Variants in PCOLCE observed in about 807,000 individuals in gnomAD.
PCOLCE encodes the protein procollagen C-endopeptidase enhancer, also known as procollagen C-endopeptidase enhancer 1.
Under a neutral mutation model 47.2 loss-of-function variants are expected in PCOLCE, and 33 were observed. That is an observed-to-expected ratio of 0.70 (90% CI 0.53 to 0.93). The LOEUF is 0.93. Ranked by LOEUF, PCOLCE falls within the 40% of genes least tolerant of loss-of-function variation. The pLI is 0.00. For synonymous variants in PCOLCE, 254 were observed against 252.5 expected, an observed-to-expected ratio of 1.01 and a Z score of -0.06; for missense variants, 584 against 585.3, an observed-to-expected ratio of 1.00 and a Z score of 0.02.
intron 8 of PCOLCE, 65 bp downstream of exon 8, chr7:100,607,872 G>C (rs1802744634): frequency 6.2e-7 from 1 of 1,610,554 alleles, no homozygotes; most frequent in African/African-American, 1.3e-5. Context: ...TCAAGGTGTG[G>C]AATCTTGAGA....
Position 100,605,420 on chromosome 7 carries a change from G to T in PCOLCE, c.588+205G>T. 1 of 666,024 alleles carries T rather than the reference G, an allele frequency of 1.5e-6. No homozygotes were observed. The highest frequency in any genetic ancestry group is 2.5e-6 in the Non-Finnish European group (1 of 395,956). The allele number at this position is 666,024 out of a possible 1,614,324, so 41.3% of individuals were successfully genotyped here. ...ACAAGTCTCAGGAGAGCGAGGTACA[G>T]GGTCCTGGTATAACACGCGGGCCTG... is the stretch of plus-strand genomic sequence containing the variant. On this transcript the variant is annotated intron_variant, in intron 4 of 8. Coordinates refer to ENST00000223061, the MANE Select transcript of PCOLCE (RefSeq NM_002593.4). This position sits in a 1 kb window ranked among gnomAD's most constrained non-coding sequence, Gnocchi z 6.1.
In PCOLCE at chr7:100,602,490, C is replaced by A. The variant is rs1383558682; in HGVS notation, c.34C>A (p.Pro12Thr). 1 of 1,612,722 alleles carries A rather than the reference C, an allele frequency of 6.2e-7. No homozygotes were observed. Among genetic ancestry groups the A allele is most frequent in the Non-Finnish European group, 8.5e-7 (1 of 1,179,768 alleles). ...TGCAGCCACAGCCTCCCTCCTGGGG[C>A]CCCTCCTCACTGCCTGCGCCCTGCT... The part of the protein sequence containing the change: ...LPAATASLLG[P>T]LLTACALLPF... The change falls in exon 1 of 9, where the codon CCC (proline) becomes ACC (threonine). Residue 12 changes from proline to threonine, a missense_variant. By Grantham distance (38) the Pro-to-Thr change is conservative. Coordinates refer to ENST00000223061, the MANE Select transcript of PCOLCE (RefSeq NM_002593.4).
At position 100,603,647 on chromosome 7, in the gene PCOLCE, G is replaced by A. The variant is rs1014964647; in HGVS notation, c.204+109G>A. 6.6e-6 allele frequency: 4 copies of A among 605,024 alleles called. No individual in the cohort carries two copies. The African/African-American group carries it at 7.8e-5, about 12-fold the overall frequency. 37.5% of individuals were successfully genotyped at this position (605,024 alleles called of 1,614,324 possible). A position where few individuals can be genotyped will look rare whatever the true frequency, so the allele number is the denominator to read the frequency against. On this transcript the variant is annotated intron_variant, in intron 2 of 8. Coordinates refer to ENST00000223061, the MANE Select transcript of PCOLCE (RefSeq NM_002593.4). ...CCCCCGCACCACCTTCTCAACCTGG[G>A]GCAGCTCCAAGTGTCTTCCCTCTGT...
Position 100,605,211 on chromosome 7 carries a change from A to G in PCOLCE, c.584A>G (p.Asp195Gly). 6.2e-7 allele frequency: 1 copy of G among 1,611,586 alleles called. No individual in the cohort carries two copies. The highest frequency in any genetic ancestry group is 8.5e-7 in the Non-Finnish European group (1 of 1,178,898). The part of the protein sequence containing the change: ...SCSWHIIAPP[D>G]QVIALTFEKF... ...TCCTGGCACATCATCGCGCCCCCGGACCAGGTACCGACCCTCCTCCCCGGG... is the reference window on the plus strand; with the variant it reads ...TCCTGGCACATCATCGCGCCCCCGGGCCAGGTACCGACCCTCCTCCCCGGG... The change falls in exon 4 of 9, where the codon GAC becomes GGC. Residue 195 changes from aspartate (D) to glycine (G), a missense_variant. By Grantham distance (94) the Asp-to-Gly change is moderately conservative (BLOSUM62 -1). Transcript: ENST00000223061. The surrounding 1 kb of genome is among the most constrained non-coding windows in gnomAD (Gnocchi z 6.1).
In PCOLCE at chr7:100,605,015, C is replaced by T. The variant is rs1802687081; in HGVS notation, c.464-76C>T. ...GACATCCGAGCTGCCTGCCGGGGCT[C>T]CCAGCCTAGAGTTCTCCTGAAGCTG... On this transcript the variant is annotated intron_variant, in intron 3 of 8. Transcript: ENST00000223061. The surrounding 1 kb of genome is among the most constrained non-coding windows in gnomAD (Gnocchi z 6.1). The T allele has an allele frequency of 3.6e-6, 4 of 1,109,394 alleles. No homozygotes were observed. The highest frequency in any genetic ancestry group is 5.3e-6 in the Non-Finnish European group (4 of 749,716). 68.7% of individuals were successfully genotyped at this position (1,109,394 alleles called of 1,614,324 possible).
intron 6 of PCOLCE, among the ~76,000 whole-genome samples, chr7:100,607,202 C>T (rs1229810511): frequency 2.6e-5 from 4 of 152,006 alleles, no homozygotes; most frequent in African/African-American, 7.3e-5. Context: ...ATGACTGTGC[C>T]GCTACACTCC....
intron 8 of PCOLCE, 48 bp downstream of exon 8, chr7:100,607,855 G>GAAAT (rs1374089908): frequency 6.2e-7 from 1 of 1,612,470 alleles, no homozygotes; most frequent in Non-Finnish European, 8.5e-7. Flanking sequence ...AAGCCACACA[G>GAAAT]AAATGATCAA....
chr7:100,602,539 C>T lies in PCOLCE; in HGVS notation c.83C>T (p.Pro28Leu), dbSNP rs752277482. Residue 28 changes from proline to leucine, a missense_variant, in exon 1 of 9, where the codon CCC becomes CTC. Physicochemically the swap from Pro to Leu is moderately conservative, Grantham distance 98. Coordinates refer to ENST00000223061, the MANE Select transcript of PCOLCE (RefSeq NM_002593.4). Reference sequence around the variant, plus strand: ...CTGCCTTTTGCCCAGGGCCAGACCCCCAACTACACCAGGTAGGTCTCTTGG... The same window carrying T: ...CTGCCTTTTGCCCAGGGCCAGACCCTCAACTACACCAGGTAGGTCTCTTGG... Reference protein sequence around the residue: ...ALLPFAQGQTPNYTRPVFLCG... With the variant: ...ALLPFAQGQTLNYTRPVFLCG... 3 of 1,603,626 alleles carry T rather than the reference C, an allele frequency of 1.9e-6. No individual in the cohort carries two copies. The highest frequency in any genetic ancestry group is 4.5e-5 in the East Asian group (2 of 44,840).
In PCOLCE at chr7:100,605,460, G is replaced by C; in HGVS notation, c.589-216G>C. ...ACGCGGGCCTGTCACTTGTGAGTGC[G>C]CCAGGACTTGACCTTGCCAACCACG... On this transcript the variant is annotated intron_variant, in intron 4 of 8. Transcript: ENST00000223061. This position sits in a 1 kb window ranked among gnomAD's most constrained non-coding sequence, Gnocchi z 6.1. The C allele has an allele frequency of 1.1e-5, 7 of 663,832 alleles. No individual in the cohort carries two copies. The highest frequency in any genetic ancestry group is 1.8e-5 in the Non-Finnish European group (7 of 394,794). The allele number at this position is 663,832 out of a possible 1,614,324, so 41.1% of individuals were successfully genotyped here. A position where few individuals can be genotyped will look rare whatever the true frequency, so the allele number is the denominator to read the frequency against.
chr7:100,607,038 C>G (rs1256582067), intron 6 of PCOLCE, among the ~76,000 whole-genome samples: 1 of 149,860 alleles, frequency 6.7e-6, no homozygotes, highest in Non-Finnish European at 1.5e-5. Flanking sequence ...TTGTAGTGAG[C>G]CGAGATTGTG....
rs560186990 is a variant in PCOLCE at position 100,604,149 on chromosome 7, C to G, written c.395C>G (p.Thr132Arg). 1 of 1,613,236 alleles carries G rather than the reference C, an allele frequency of 6.2e-7. No homozygotes were observed. The highest frequency in any genetic ancestry group is 1.1e-5 in the South Asian group (1 of 91,090). The change falls in exon 3 of 9, where the codon ACG becomes AGG. Residue 132 changes from threonine to arginine, a missense_variant. Transcript: ENST00000223061. The surrounding 1 kb of genome is among the most constrained non-coding windows in gnomAD (Gnocchi z 6.4). ...APGNQVTLRM[T>R]TDEGTGGRGF... ...GGCAACCAGGTGACCCTGAGGATGA[C>G]GACGGATGAGGGCACAGGAGGACGA...
At chr7:100,603,564 C>T in intron 2 of PCOLCE, 26 bp downstream of exon 2, 1 of 1,291,494 alleles carries the variant, frequency 7.7e-7, no homozygotes. Flanking sequence ...GGGCACTACC[C>T]CTTGTTAAAG....
At position 100,604,959 on chromosome 7, in the gene PCOLCE, CCTT is replaced by C. The variant is rs1340727205; in HGVS notation, c.464-126_464-124del. 17 of 625,082 alleles carry C rather than the reference CCTT, an allele frequency of 2.7e-5. No individual in the cohort carries two copies. Among genetic ancestry groups the C allele is most frequent in the Non-Finnish European group, 4.3e-5 (15 of 352,228 alleles). The allele number at this position is 625,082 out of a possible 1,614,324, so 38.7% of individuals were successfully genotyped here. ...GTTAACCTGCCCCCATCTTACCTCC[CCTT>C]CTTCTCGTCCCCTCATCCTGAGCCC... On this transcript the variant is annotated intron_variant, in intron 3 of 8. Transcript: ENST00000223061. This position sits in a 1 kb window ranked among gnomAD's most constrained non-coding sequence, Gnocchi z 6.4.
In PCOLCE at chr7:100,605,661, TCCGCCCG is replaced by T; in HGVS notation, c.589-9_589-3del. On this transcript the variant is annotated splice_region_variant and splice_polypyrimidine_tract_variant and intron_variant, in intron 4 of 8. Transcript: ENST00000223061. This position sits in a 1 kb window ranked among gnomAD's most constrained non-coding sequence, Gnocchi z 6.1. Reference sequence around the variant, plus strand: ...GGTGTCCCGCCGCGCAGTCCCCGCCTCCGCCCGCCGCCAGGTCATCGCGCTGACCTTC... The same window carrying T: ...GGTGTCCCGCCGCGCAGTCCCCGCCTCCGCCAGGTCATCGCGCTGACCTTC... 1 of 1,569,896 alleles carries T rather than the reference TCCGCCCG, an allele frequency of 6.4e-7. No homozygotes were observed. Among genetic ancestry groups the T allele is most frequent in the Non-Finnish European group, 8.6e-7 (1 of 1,158,398 alleles).
At position 100,603,470 on chromosome 7, in the gene PCOLCE, G is replaced by T; in HGVS notation, c.136G>T (p.Gly46Cys). ...CGGAGGGGATGTGAAGGGGGAATCAGGTTACGTGGCAAGTGAGGGGTTCCC... is the reference window on the plus strand; with the variant it reads ...CGGAGGGGATGTGAAGGGGGAATCATGTTACGTGGCAAGTGAGGGGTTCCC... ...LCGGDVKGES[G>C]YVASEGFPNL... The change falls in exon 2 of 9, where the codon GGT becomes TGT. Residue 46 changes from glycine (G) to cysteine (C), a missense_variant. By Grantham distance (159) the Gly-to-Cys change is radical (BLOSUM62 -3). Transcript: ENST00000223061. The T allele has an allele frequency of 1.2e-6, 2 of 1,606,972 alleles. No individual in the cohort carries two copies. Among genetic ancestry groups the T allele is most frequent in the Non-Finnish European group, 1.7e-6 (2 of 1,176,840 alleles).
chr7:100,603,276 TG>T, intron 1 of PCOLCE, 153 bp from the exon 2 acceptor site: 2 of 533,390 alleles, frequency 3.7e-6, no homozygotes, highest in Non-Finnish European at 6.7e-6. Context: ...CTGTCCTGGC[TG>T]GTGGAAGCTG....
chr7:100,603,401 T>G, intron 1 of PCOLCE, 29 bp from the exon 2 acceptor site: 1 of 1,157,400 alleles, frequency 8.6e-7, no homozygotes, highest in Non-Finnish European at 1.3e-6. Flanking sequence ...CCGTCCCTGC[T>G]CTTTCCTGAC....
chr7:100,606,663 G>C (rs747848600), intron 6 of PCOLCE, 33 bp downstream of exon 6: 2 of 1,513,628 alleles, frequency 1.3e-6, no homozygotes, highest in South Asian at 2.4e-5. Context: ...AGGGGAAACA[G>C]ACTGAAGGGG....
At position 100,603,471 on chromosome 7, in the gene PCOLCE, G is replaced by C; in HGVS notation, c.137G>C (p.Gly46Ala). The change falls in exon 2 of 9, where the codon GGT becomes GCT. Residue 46 changes from glycine to alanine, a missense_variant. By Grantham distance (60) the Gly-to-Ala change is moderately conservative. Transcript: ENST00000223061. ...LCGGDVKGES[G>A]YVASEGFPNL... is the part of the protein sequence containing the mutation. ...GGAGGGGATGTGAAGGGGGAATCAGGTTACGTGGCAAGTGAGGGGTTCCCC... is the reference window on the plus strand; with the variant it reads ...GGAGGGGATGTGAAGGGGGAATCAGCTTACGTGGCAAGTGAGGGGTTCCCC... 6.2e-7 allele frequency: 1 copy of C among 1,607,386 alleles called. No individual in the cohort carries two copies. The highest frequency in any genetic ancestry group is 8.5e-7 in the Non-Finnish European group (1 of 1,176,986).
Sources: gnomAD v4.1 joint callset for allele counts (sites outside exome capture counted in the v4.1 genomes callset) on GRCh38, gnomAD v4.1.1 for gene constraint, Gnocchi (gnomAD v3.1) non-coding constraint, MANE v1.5 for transcripts, NCBI Gene and HGNC (gene_info 2026-07-23, HGNC 2026-07-21) for gene names.